The following TMEM132D variants were observed in gnomAD, a reference collection of about 807,000 sequenced individuals.
The protein encoded by TMEM132D is transmembrane protein 132D.
A neutral mutation model predicts 62.3 loss-of-function variants in TMEM132D; 21 were observed. The observed-to-expected ratio is 0.34, with a 90% CI of 0.24 to 0.49. The LOEUF (loss-of-function observed/expected upper bound fraction) is 0.49, where lower values mean the gene tolerates loss of function less well. TMEM132D is among the 20% of genes least tolerant of loss of function. The pLI, the probability that TMEM132D is intolerant of heterozygous loss-of-function variation, is 0.99. For synonymous variants in TMEM132D, 621 were observed against 575.6 expected (o/e 1.08, Z -1.13); for missense variants, 1,346 against 1,402.8 (o/e 0.96, Z 0.65).
At chr12:129,360,358 G>A (rs1419491285) in intron 3 of TMEM132D, among the ~76,000 whole-genome samples, 2 of 152,190 alleles carry the variant, frequency 1.3e-5, no homozygotes, top group Non-Finnish European at 2.9e-5. Context: ...GTCAGAAGTG[G>A]TCATTTTATG....
chr12:129,837,572 G>C (rs1454948415), intron 1 of TMEM132D, among the ~76,000 whole-genome samples: 1 of 152,186 alleles, frequency 6.6e-6, no homozygotes, highest in Non-Finnish European at 1.5e-5. Context: ...GCTTTAAAAG[G>C]TGAAAACCAA....
At chr12:129,299,616 T>C (rs1881659880) in intron 4 of TMEM132D, among the ~76,000 whole-genome samples, 1 of 143,614 alleles carries the variant, frequency 7.0e-6, no homozygotes, top group Non-Finnish European at 1.5e-5. Flanking sequence ...ACTGGACACA[T>C]TGAACAATCA....
intron 5 of TMEM132D, among the ~76,000 whole-genome samples, chr12:129,146,787 C>T (rs1416058978): frequency 2.6e-5 from 4 of 152,090 alleles, no homozygotes; most frequent in African/African-American, 7.2e-5. Flanking sequence ...GTTACGGTGA[C>T]GAGCATTTGC....
intron 4 of TMEM132D, among the ~76,000 whole-genome samples, chr12:129,245,571 A>C (rs1479247740): frequency 1.3e-5 from 2 of 149,788 alleles, no homozygotes; most frequent in South Asian, 4.2e-4. Context: ...TTTTTTTGGA[A>C]TAAAGATTGC....
chr12:129,491,941 C>A (rs564776257), intron 3 of TMEM132D, among the ~76,000 whole-genome samples: 16 of 149,268 alleles, frequency 1.1e-4, no homozygotes, highest in African/African-American at 9.8e-5. Flanking sequence ...GATTCTGTCT[C>A]AAAAAAAAAA....
intron 4 of TMEM132D, among the ~76,000 whole-genome samples, chr12:129,228,526 C>T (rs777684191): frequency 4.6e-5 from 7 of 152,152 alleles, no homozygotes; most frequent in East Asian, 3.8e-4. Flanking sequence ...TCACTACCAC[C>T]GTGCTTCAGC....
intron 1 of TMEM132D, among the ~76,000 whole-genome samples, chr12:129,797,672 C>A (rs1871608071): frequency 6.6e-6 from 1 of 152,186 alleles, no homozygotes; most frequent in African/African-American, 2.4e-5. Context: ...TGTTCCCCAA[C>A]CCAGGTGGAA....
intron 3 of TMEM132D, among the ~76,000 whole-genome samples, chr12:129,398,863 CATCCATCCATCCATCCACT>C (rs879528415): frequency 0.08 from 12,098 of 152,086 alleles, 1,142 homozygotes; most frequent in African/African-American, 0.24. Context: ...TCCATCCATC[CATCCATCCATCCATCCACT>C]GATTGTCTTA....
At chr12:129,335,479 A>G (rs934141236) in intron 4 of TMEM132D, among the ~76,000 whole-genome samples, 2 of 152,156 alleles carry the variant, frequency 1.3e-5, no homozygotes, top group Non-Finnish European at 2.9e-5. Flanking sequence ...CAACTTTATA[A>G]GTAGGTATTA....
intron 1 of TMEM132D, among the ~76,000 whole-genome samples, chr12:129,776,418 G>T (rs1870924405): frequency 6.6e-6 from 1 of 151,072 alleles, no homozygotes; most frequent in South Asian, 2.1e-4. Flanking sequence ...GCCTTCCAAT[G>T]ATGCTTTATT....
intron 4 of TMEM132D, among the ~76,000 whole-genome samples, chr12:129,286,881 C>T (rs1360667442): frequency 6.6e-6 from 1 of 152,086 alleles, no homozygotes; most frequent in African/African-American, 2.4e-5. Context: ...AACCCCGTCT[C>T]TACTAAAAAT....
intron 2 of TMEM132D, among the ~76,000 whole-genome samples, chr12:129,594,250 C>A (rs1878273511): frequency 6.6e-6 from 1 of 152,156 alleles, no homozygotes; most frequent in Non-Finnish European, 1.5e-5. Context: ...GCCATATGGC[C>A]TCCTTGAAGA....
At chr12:129,825,706 G>A (rs1043276374) in intron 1 of TMEM132D, among the ~76,000 whole-genome samples, 19 of 152,224 alleles carry the variant, frequency 1.2e-4, no homozygotes, top group African/African-American at 2.9e-4. Context: ...CTGTGCCCTC[G>A]GGACGCCCAC....
intron 3 of TMEM132D, among the ~76,000 whole-genome samples, chr12:129,482,704 AC>A (rs2137054456): frequency 6.6e-6 from 1 of 152,358 alleles, no homozygotes; most frequent in African/African-American, 2.4e-5. Flanking sequence ...TCAATTTCAA[AC>A]AAATTCTGAG....
chr12:129,124,876 C>T (rs1876169501), intron 5 of TMEM132D, among the ~76,000 whole-genome samples: 1 of 152,150 alleles, frequency 6.6e-6, no homozygotes, highest in Non-Finnish European at 1.5e-5. Flanking sequence ...AAGAGCTCCC[C>T]CTCCCTCTGA....
At chr12:129,798,252 A>G (rs1219273215) in intron 1 of TMEM132D, among the ~76,000 whole-genome samples, 1 of 152,194 alleles carries the variant, frequency 6.6e-6, no homozygotes, top group Non-Finnish European at 1.5e-5. Flanking sequence ...GTACTTCTCT[A>G]TAGCAATGCA....
chr12:129,806,729 A>C (rs1423608911), intron 1 of TMEM132D, among the ~76,000 whole-genome samples: 3 of 152,132 alleles, frequency 2.0e-5, no homozygotes, highest in East Asian at 1.9e-4. Context: ...AAATAAAAAA[A>C]TAAAGTAATT....
intron 2 of TMEM132D, among the ~76,000 whole-genome samples, chr12:129,552,582 T>C (rs901760443): frequency 6.6e-6 from 1 of 151,984 alleles, no homozygotes; most frequent in South Asian, 2.1e-4. Flanking sequence ...TCTGTTCACA[T>C]CCATTATCTA....
chr12:129,342,024 C>A (rs1201920484), intron 3 of TMEM132D, among the ~76,000 whole-genome samples: 1 of 152,122 alleles, frequency 6.6e-6, no homozygotes, highest in Non-Finnish European at 1.5e-5. Context: ...AGATTCAATG[C>A]CATCCCTATC....
Sources: allele counts gnomAD v4.1 joint callset (sites outside exome capture counted in the v4.1 genomes callset), GRCh38; gene constraint gnomAD v4.1.1; transcripts MANE v1.5; gene names NCBI Gene and HGNC (gene_info 2026-07-23, HGNC 2026-07-21).